The following MACROD2 variants were observed in gnomAD, a reference collection of about 807,000 sequenced individuals.
The protein encoded by MACROD2 is ADP-ribose glycohydrolase MACROD2.
A neutral mutation model predicts 70.4 loss-of-function variants in MACROD2; 36 were observed. That is an observed-to-expected ratio of 0.51 (90% CI 0.39 to 0.68). The LOEUF is 0.68. MACROD2 is among the 30% of genes least tolerant of loss of function. The pLI is 0.00. For synonymous variants in MACROD2, 172 were observed against 178.8 expected (o/e 0.96, Z 0.30); for missense variants, 496 against 538.4 (o/e 0.92, Z 0.78).
chr20:14,355,018 C>T (rs1397512178), intron 3 of MACROD2, among the ~76,000 whole-genome samples: 1 of 152,164 alleles, frequency 6.6e-6, no homozygotes, highest in African/African-American at 2.4e-5. Flanking sequence ...ACCACATTCT[C>T]TTTATCCAAT....
intron 3 of MACROD2, among the ~76,000 whole-genome samples, chr20:14,174,102 C>T (rs2081244819): frequency 6.6e-6 from 1 of 152,012 alleles, no homozygotes; most frequent in Admixed American, 6.6e-5. Context: ...TGGTTTGCCT[C>T]CAGTCAGGAG....
intron 5 of MACROD2, among the ~76,000 whole-genome samples, chr20:14,764,943 A>G (rs947904603): frequency 2.0e-5 from 3 of 152,070 alleles, no homozygotes; most frequent in Non-Finnish European, 2.9e-5. Context: ...AGCTAAAACT[A>G]TACTGCTTGG....
chr20:15,183,778 T>G (rs1165795269), intron 5 of MACROD2, among the ~76,000 whole-genome samples: 1 of 152,192 alleles, frequency 6.6e-6, no homozygotes, highest in Non-Finnish European at 1.5e-5. Flanking sequence ...ACAAAAGCCC[T>G]TGTTTTATCA....
chr20:14,731,008 CA>C (rs1568763836), intron 5 of MACROD2, among the ~76,000 whole-genome samples: 12 of 111,986 alleles, frequency 1.1e-4, no homozygotes, highest in Non-Finnish European at 2.2e-4. Flanking sequence ...CACACACACA[CA>C]TGCACACACA....
At chr20:14,647,289 A>C (rs1054232353) in intron 4 of MACROD2, among the ~76,000 whole-genome samples, 2 of 152,092 alleles carry the variant, frequency 1.3e-5, no homozygotes, top group Admixed American at 6.6e-5. Flanking sequence ...GAAGCTACCC[A>C]GTTTGTTTAA....
intron 3 of MACROD2, among the ~76,000 whole-genome samples, chr20:14,488,218 A>G (rs1381324417): frequency 1.3e-5 from 2 of 152,242 alleles, no homozygotes; most frequent in East Asian, 3.8e-4. Flanking sequence ...TATAATTATA[A>G]CCATAAAACT....
chr20:15,132,934 T>A (rs2076117509), intron 5 of MACROD2, among the ~76,000 whole-genome samples: 1 of 152,072 alleles, frequency 6.6e-6, no homozygotes, highest in African/African-American at 2.4e-5. Context: ...TAGTATTATT[T>A]TTTAAATAAC....
At chr20:14,421,517 T>C (rs1438855188) in intron 3 of MACROD2, among the ~76,000 whole-genome samples, 1 of 152,198 alleles carries the variant, frequency 6.6e-6, no homozygotes, top group Non-Finnish European at 1.5e-5. Context: ...ATGTTCATAG[T>C]ATTCTATTCA....
intron 3 of MACROD2, among the ~76,000 whole-genome samples, chr20:14,430,558 A>C: frequency 6.8e-6 from 1 of 146,462 alleles, no homozygotes; most frequent in African/African-American, 2.4e-5. Flanking sequence ...TGTTCAAAAC[A>C]GAAAACACAG....
chr20:14,200,840 T>A (rs996317690), intron 3 of MACROD2, among the ~76,000 whole-genome samples: 28 of 152,196 alleles, frequency 1.8e-4, no homozygotes, highest in African/African-American at 6.3e-4. Flanking sequence ...TTGTGTGAAT[T>A]ATTCATGCCT....
intron 15 of MACROD2, among the ~76,000 whole-genome samples, chr20:16,012,477 CCT>C (rs1201039773): frequency 2.6e-5 from 4 of 152,114 alleles, no homozygotes; most frequent in Admixed American, 2.0e-4. Flanking sequence ...TAAAAATCTC[CCT>C]GAGTGACTCC....
chr20:15,454,700 T>G lies in MACROD2; in HGVS notation c.571+23265T>G, dbSNP rs562255996. ...ATAAATCTGTAAAATAAAAATGAGCTTTCTCCTTTGTGAAATCTCTTTTTT... is the reference window on the plus strand; with the variant it reads ...ATAAATCTGTAAAATAAAAATGAGCGTTCTCCTTTGTGAAATCTCTTTTTT... On this transcript the variant is annotated intron_variant, in intron 7 of 17. Transcript: ENST00000684519. Among the ~76,000 whole-genome samples the G allele has an allele frequency of 4.4e-4, 26 of 58,832 alleles. 8 individuals are homozygous for G. The highest frequency in any genetic ancestry group is 8.5e-4 in the Non-Finnish European group (24 of 28,128). The allele number at this position is 58,832 out of a possible 152,430, so 38.6% of individuals were successfully genotyped here.
At chr20:15,311,484 G>A (rs1160249779) in intron 6 of MACROD2, among the ~76,000 whole-genome samples, 2 of 152,102 alleles carry the variant, frequency 1.3e-5, no homozygotes, top group Non-Finnish European at 2.9e-5. Flanking sequence ...ACATGCACTC[G>A]CATGTTCATA....
intron 8 of MACROD2, among the ~76,000 whole-genome samples, chr20:15,837,366 G>A (rs899656192): frequency 1.3e-5 from 2 of 152,086 alleles, no homozygotes; most frequent in African/African-American, 4.8e-5. Context: ...CCTTTTCTCC[G>A]TGTGGGAATG....
At chr20:15,426,955 A>G (rs1007190010) in intron 6 of MACROD2, among the ~76,000 whole-genome samples, 10 of 152,058 alleles carry the variant, frequency 6.6e-5, no homozygotes, top group Admixed American at 5.9e-4. Flanking sequence ...ATGTGCTGCA[A>G]AAGTTGTTAG....
chr20:15,333,617 G>C (rs1430309618), intron 6 of MACROD2, among the ~76,000 whole-genome samples: 1 of 151,526 alleles, frequency 6.6e-6, no homozygotes, highest in African/African-American at 2.4e-5. Flanking sequence ...ATGATGCAGG[G>C]CTTTGGTCCA....
intron 5 of MACROD2, among the ~76,000 whole-genome samples, chr20:14,825,889 G>T (rs930227715): frequency 6.6e-6 from 1 of 152,134 alleles, no homozygotes; most frequent in Non-Finnish European, 1.5e-5. Flanking sequence ...ATGCACAAAA[G>T]ATCGCCCTCC....
chr20:16,003,561 TC>T (rs973711636), intron 15 of MACROD2, among the ~76,000 whole-genome samples: 14 of 152,176 alleles, frequency 9.2e-5, no homozygotes, highest in African/African-American at 3.4e-4. Context: ...GCAGAGGCTT[TC>T]CAAGTTGAAT....
At chr20:15,150,154 T>G (rs1183379039) in intron 5 of MACROD2, among the ~76,000 whole-genome samples, 1 of 151,878 alleles carries the variant, frequency 6.6e-6, no homozygotes. Context: ...GAGGAAGAAA[T>G]TTGGGCTTGA....
Sources: gnomAD v4.1 joint callset for allele counts (sites outside exome capture counted in the v4.1 genomes callset) on GRCh38, gnomAD v4.1.1 for gene constraint, MANE v1.5 for transcripts, NCBI Gene and HGNC (gene_info 2026-07-23, HGNC 2026-07-21) for gene names.